Variants in HEATR5A observed in about 807,000 individuals in gnomAD.
The protein encoded by HEATR5A is HEAT repeat-containing protein 5A.
Under a neutral mutation model 218.8 loss-of-function variants are expected in HEATR5A, and 178 were observed. That is an observed-to-expected ratio of 0.81 (90% CI 0.72 to 0.92). HEATR5A has a LOEUF of 0.92. Among genes scored for constraint, HEATR5A ranks in the 40% least tolerant of loss-of-function variants. The pLI is 0.00. For synonymous variants in HEATR5A, 864 were observed against 871.6 expected (o/e 0.99, Z 0.15); for missense variants, 2,420 against 2,418.9 (o/e 1.00, Z -0.01).
At chr14:31,346,987 T>C (rs1412178863) in intron 19 of HEATR5A, among the ~76,000 whole-genome samples, 1 of 152,230 alleles carries the variant, frequency 6.6e-6, no homozygotes, top group Non-Finnish European at 1.5e-5. Context: ...TTGGAGTCTA[T>C]GACTTGTGTT....
rs746080557 is a variant in HEATR5A, at chr14:31,400,476, G to C, written c.163C>G (p.Gln55Glu). 1 of 1,535,568 alleles carries C rather than the reference G, an allele frequency of 6.5e-7. No homozygotes were observed. The highest frequency in any genetic ancestry group is 8.7e-7 in the Non-Finnish European group (1 of 1,146,654). ...VREKQKTLVE[Q>E]LLSLLNSSPG... ...GAGCTGTTCAACAAAGACAGGAGCT[G>C]TTCAACAAGAGTCTTCTGTTTCTCC... The change falls in exon 3 of 36, where the codon CAG becomes GAG. Residue 55 changes from glutamine (Q) to glutamate (E), a missense_variant. By Grantham distance (29) the Gln-to-Glu change is conservative (BLOSUM62 2). Coordinates refer to ENST00000543095, the MANE Select transcript of HEATR5A (RefSeq NM_015473.4).
intron 21 of HEATR5A, among the ~76,000 whole-genome samples, chr14:31,342,824 C>T (rs1900882390): frequency 6.6e-6 from 1 of 151,398 alleles, no homozygotes; most frequent in South Asian, 2.1e-4. Context: ...AATGCAAACA[C>T]CATTCTACAA....
intron 2 of HEATR5A, among the ~76,000 whole-genome samples, chr14:31,402,091 T>C (rs2030898837): frequency 6.6e-6 from 1 of 152,154 alleles, no homozygotes; most frequent in African/African-American, 2.4e-5. Context: ...TTTTGATAAC[T>C]AGAGTCACAC....
At chr14:31,368,455 C>A (rs117108893) in intron 13 of HEATR5A, among the ~76,000 whole-genome samples, 9 of 152,236 alleles carry the variant, frequency 5.9e-5, no homozygotes, top group Non-Finnish European at 1.0e-4. Flanking sequence ...AAAATCGGTT[C>A]CAGATGACTT....
intron 16 of HEATR5A, among the ~76,000 whole-genome samples, chr14:31,352,469 C>T (rs1213595808): frequency 1.3e-5 from 2 of 152,092 alleles, no homozygotes; most frequent in East Asian, 1.9e-4. Flanking sequence ...AAAACTAGAT[C>T]TCCATCATTC....
chr14:31,393,252 G>A (rs974767679), intron 6 of HEATR5A, among the ~76,000 whole-genome samples: 1 of 152,214 alleles, frequency 6.6e-6, no homozygotes, highest in African/African-American at 2.4e-5. Context: ...GCTCACGCCT[G>A]TAATCCCAGC....
chr14:31,337,659 G>C, intron 21 of HEATR5A, 45 bp from the exon 22 acceptor site: 7 of 1,559,298 alleles, frequency 4.5e-6, no homozygotes, highest in Non-Finnish European at 4.4e-6. Context: ...AATTCTTGTT[G>C]GCACTCAGTG....
At position 31,400,306 on chromosome 14, in the gene HEATR5A, AG is replaced by A. The variant is rs2030823739; in HGVS notation, c.332del (p.Thr111IlefsTer35). 1 of 1,527,682 alleles carries A rather than the reference AG, an allele frequency of 6.5e-7. No homozygotes were observed. The highest frequency in any genetic ancestry group is 1.4e-5 in the African/African-American group (1 of 72,858). The allele number at this position is 1,527,682 out of a possible 1,614,324, so 94.6% of individuals were successfully genotyped here. On this transcript the variant is annotated frameshift_variant, in exon 3 of 36. Coordinates refer to ENST00000543095, the MANE Select transcript of HEATR5A (RefSeq NM_015473.4). LOFTEE classifies it high-confidence loss of function. ...SKDDSPSYLP[T>X]KLAAVVCLGS... ...TGTTTTAATGTTTCACTTACAGCTT[AG>A]TGGGAAGATAACTTGGAGAATCATC...
At position 31,298,396 on chromosome 14, in the gene HEATR5A, A is replaced by G. The variant is rs537066016; in HGVS notation, c.5465-2333T>C. 2.6e-5 allele frequency among the ~76,000 whole-genome samples: 4 copies of G among 152,336 alleles called. No individual in the cohort carries two copies. The South Asian group carries it at 6.2e-4, about 24-fold the overall frequency. ...ATACACATCCAAAAACAACAACAAC[A>G]AAACACAACCCATTTTTTTGTGTGT... On this transcript the variant is annotated intron_variant, in intron 33 of 35. Transcript: ENST00000543095.
chr14:31,373,693 T>C (rs1246990588), intron 12 of HEATR5A, among the ~76,000 whole-genome samples: 1 of 152,124 alleles, frequency 6.6e-6, no homozygotes, highest in East Asian at 1.9e-4. Context: ...CAGGTGACCC[T>C]TGAACAACAC....
At chr14:31,344,265 A>ATTTTTTTTTTTTTTTT (rs1245011736) in intron 20 of HEATR5A, among the ~76,000 whole-genome samples, 200 bp from the exon 21 acceptor site, 1 of 54,920 alleles carries the variant, frequency 1.8e-5, no homozygotes, top group Non-Finnish European at 4.6e-5. Context: ...TAGATTAGTT[A>ATTTTTTTTTTTTTTTT]TTCTTTTTTT....
chr14:31,328,197 C>T (rs904183906), intron 22 of HEATR5A, among the ~76,000 whole-genome samples: 11 of 151,960 alleles, frequency 7.2e-5, no homozygotes, highest in Admixed American at 2.0e-4. Flanking sequence ...CAGATCCACC[C>T]GCCTCAGCCT....
intron 21 of HEATR5A, among the ~76,000 whole-genome samples, chr14:31,340,842 C>A (rs960313325): frequency 1.3e-5 from 2 of 152,168 alleles, no homozygotes; most frequent in African/African-American, 2.4e-5. Context: ...AGGTGTCCAG[C>A]AAGAGGCAAA....
chr14:31,387,648 C>G (rs542940007), intron 7 of HEATR5A, among the ~76,000 whole-genome samples: 349 of 152,188 alleles, frequency 2.3e-3, no homozygotes, highest in South Asian at 0.016. Flanking sequence ...CAAGCTCCGC[C>G]TCCTGGGTTC....
intron 29 of HEATR5A, among the ~76,000 whole-genome samples, chr14:31,308,481 T>A (rs1030872257): frequency 1.5e-5 from 2 of 137,842 alleles, no homozygotes; most frequent in Admixed American, 7.9e-5. Flanking sequence ...CACTCCAGCC[T>A]GGGCAACAAG....
chr14:31,318,250 G>A lies in HEATR5A; in HGVS notation c.4012C>T (p.Pro1338Ser), dbSNP rs565684282. The change falls in exon 26 of 36, where the codon CCT becomes TCT. Residue 1338 changes from proline (P) to serine (S), a missense_variant. Pro to Ser is a moderately conservative substitution (Grantham distance 74, BLOSUM62 -1). Transcript: ENST00000543095. ...LRPAFTSETPPDVTAKACQVC... is the reference protein window; with the variant it reads ...LRPAFTSETPSDVTAKACQVC... ...TGACATGCTTTGGCAGTGACATCAG[G>A]TGGTGTCTCTGAAGTGAAGGCTGGT... 1.7e-5 allele frequency: 28 copies of A among 1,613,800 alleles called. No individual in the cohort carries two copies. In the South Asian group the frequency reaches 2.7e-4, roughly 16 times the overall value.
chr14:31,372,213 A>C (rs1042499538), intron 12 of HEATR5A, among the ~76,000 whole-genome samples: 2 of 151,370 alleles, frequency 1.3e-5, no homozygotes, highest in Non-Finnish European at 2.9e-5. Flanking sequence ...AAAAAAAAAA[A>C]CCAGCTTAGA....
intron 22 of HEATR5A, among the ~76,000 whole-genome samples, chr14:31,328,624 A>G (rs1215943150): frequency 6.6e-6 from 1 of 152,176 alleles, no homozygotes; most frequent in East Asian, 1.9e-4. Flanking sequence ...TCACGCCCAT[A>G]ATCCCAGCAC....
At chr14:31,413,205 A>G (rs1312789202) in intron 1 of HEATR5A, among the ~76,000 whole-genome samples, 1 of 152,226 alleles carries the variant, frequency 6.6e-6, no homozygotes, top group Non-Finnish European at 1.5e-5. Context: ...CAATATGAAC[A>G]GCAAATACAC....
Sources: allele counts gnomAD v4.1 joint callset (sites outside exome capture counted in the v4.1 genomes callset), GRCh38; gene constraint gnomAD v4.1.1; transcripts MANE v1.5; gene names NCBI Gene and HGNC (gene_info 2026-07-23, HGNC 2026-07-21).